The following CPQ variants were observed in gnomAD, a reference collection of about 807,000 sequenced individuals.
CPQ encodes the protein carboxypeptidase Q.
A neutral mutation model predicts 45.7 loss-of-function variants in CPQ; 37 were observed. The ratio of observed to expected loss-of-function variants is 0.81; its 90% CI spans 0.62 to 1.07. The LOEUF (loss-of-function observed/expected upper bound fraction) is 1.07, where lower values mean the gene tolerates loss of function less well. CPQ is among the 50% of genes least tolerant of loss of function. The pLI is 0.00. For synonymous variants in CPQ, 186 were observed against 205.8 expected, an observed-to-expected ratio of 0.90 and a Z score of 0.82; for missense variants, 537 against 572.9, an observed-to-expected ratio of 0.94 and a Z score of 0.64.
rs1200276629 is a variant in CPQ, at chr8:97,088,201, G to A, written c.1255+21991G>A. ...ATGAAAGCAGTGTCATACATTTCAT[G>A]AAAGTACAGTTAATTTTCACCAAAT... On this transcript the variant is annotated intron_variant, in intron 7 of 7. Transcript: ENST00000220763. Among the ~76,000 whole-genome samples the A allele has an allele frequency of 1.3e-5, 2 of 152,198 alleles. 1 individual carries two copies. The highest frequency in any genetic ancestry group is 4.8e-5 in the African/African-American group (2 of 41,452).
intron 1 of CPQ, among the ~76,000 whole-genome samples, chr8:96,697,247 A>C (rs1315897075): frequency 6.6e-6 from 1 of 152,220 alleles, no homozygotes; most frequent in East Asian, 1.9e-4. Flanking sequence ...GATACATCAT[A>C]TAAACAGATT....
At chr8:96,872,651 G>T (rs1812087222) in intron 3 of CPQ, among the ~76,000 whole-genome samples, 1 of 151,840 alleles carries the variant, frequency 6.6e-6, no homozygotes, top group Non-Finnish European at 1.5e-5. Context: ...TCGACTAATG[G>T]TGGTTGTATT....
chr8:96,957,991 C>T (rs1447219746), intron 4 of CPQ, among the ~76,000 whole-genome samples: 1 of 141,234 alleles, frequency 7.1e-6, no homozygotes, highest in African/African-American at 2.8e-5. Flanking sequence ...TATAGACGTG[C>T]ACCACTACAC....
intron 6 of CPQ, among the ~76,000 whole-genome samples, chr8:97,038,430 G>A (rs2130483528): frequency 6.6e-6 from 1 of 152,254 alleles, no homozygotes; most frequent in East Asian, 1.9e-4. Context: ...AGGACCCATA[G>A]GATATCTAGT....
intron 1 of CPQ, among the ~76,000 whole-genome samples, chr8:96,683,688 A>G (rs529544922): frequency 6.6e-6 from 1 of 151,262 alleles, no homozygotes; most frequent in African/African-American, 2.4e-5. Flanking sequence ...GGTGTCCCAT[A>G]TATTATCTAG....
rs184285234 is a variant in CPQ, at chr8:96,726,838, T to C, written c.-34-58026T>C. Among the ~76,000 whole-genome samples the C allele has an allele frequency of 1.4e-3, 219 of 152,286 alleles. 4 individuals carry two copies. The highest frequency in any genetic ancestry group is 0.011 in the Admixed American group (170 of 15,288). On this transcript the variant is annotated intron_variant, in intron 1 of 7. Coordinates refer to ENST00000220763, the MANE Select transcript of CPQ (RefSeq NM_016134.4). ...CACTTTTGACCTCCTTACCAAGTGA[T>C]GCCCTTTGCTGCCTTGGGACTATGC... is the stretch of plus-strand genomic sequence containing the variant.
intron 1 of CPQ, among the ~76,000 whole-genome samples, chr8:96,661,997 G>A (rs2130713021): frequency 6.6e-6 from 1 of 152,140 alleles, no homozygotes; most frequent in East Asian, 1.9e-4. Flanking sequence ...GGTCTGTAGT[G>A]GTATCTTGTT....
chr8:96,879,967 A>T lies in CPQ; in HGVS notation c.811A>T (p.Thr271Ser). The change falls in exon 4 of 8, where the codon ACT becomes TCT. Residue 271 changes from threonine to serine, a missense_variant. Physicochemically the swap from Thr to Ser is moderately conservative, Grantham distance 58. Transcript: ENST00000220763. ...KTYPDTDSFNTVAEITGSKYP... is the reference protein window; with the variant it reads ...KTYPDTDSFNSVAEITGSKYP... ...CTACCCAGATACTGATTCCTTCAAC[A>T]CTGTAGCAGAGATCACTGGGAGCAA... 1 of 1,614,052 alleles carries T rather than the reference A, an allele frequency of 6.2e-7. No individual in the cohort carries two copies.
chr8:97,021,799 A>G (rs1383816478), intron 5 of CPQ, among the ~76,000 whole-genome samples: 3 of 152,190 alleles, frequency 2.0e-5, no homozygotes, highest in Non-Finnish European at 2.9e-5. Flanking sequence ...AAAGCAATCT[A>G]TAAATTCAGT....
At chr8:97,066,233 T>C in intron 7 of CPQ, 23 bp downstream of exon 7, 1 of 1,598,280 alleles carries the variant, frequency 6.3e-7, no homozygotes, top group Non-Finnish European at 8.5e-7. Flanking sequence ...GATGAAGTTG[T>C]GTTCCTTATA....
intron 4 of CPQ, among the ~76,000 whole-genome samples, chr8:96,888,178 T>A (rs778301386): frequency 5.9e-5 from 9 of 152,182 alleles, no homozygotes; most frequent in Non-Finnish European, 1.3e-4. Flanking sequence ...GTCTCGAGCA[T>A]CAGAAATGTC....
chr8:96,803,909 G>A (rs1398608966), intron 2 of CPQ, among the ~76,000 whole-genome samples: 1 of 152,176 alleles, frequency 6.6e-6, no homozygotes, highest in Non-Finnish European at 1.5e-5. Flanking sequence ...GTAATTGGTT[G>A]TTGCATTGGC....
chr8:96,716,846 G>A (rs913180137), intron 1 of CPQ, among the ~76,000 whole-genome samples: 11 of 151,456 alleles, frequency 7.3e-5, no homozygotes, highest in African/African-American at 2.7e-4. Flanking sequence ...GGCAGAAGTT[G>A]CAGTGAGCTG....
intron 1 of CPQ, among the ~76,000 whole-genome samples, chr8:96,669,823 A>G (rs1808977883): frequency 6.6e-6 from 1 of 152,206 alleles, no homozygotes; most frequent in South Asian, 2.1e-4. Context: ...CTTGTTAATC[A>G]TGGTAGTTAT....
In CPQ at chr8:96,875,341, T is replaced by C. The variant is rs191183702; in HGVS notation, c.642-4457T>C. ...TTTAACATTTTGATGGTTCCATTTA[T>C]CTATTTTTTATTTTGTTGCTTGTGA... On this transcript the variant is annotated intron_variant, in intron 3 of 7. Coordinates refer to ENST00000220763, the MANE Select transcript of CPQ (RefSeq NM_016134.4). Among the ~76,000 whole-genome samples, 157 of 152,058 alleles carry C rather than the reference T, an allele frequency of 1.0e-3. 1 individual carries two copies. The highest frequency in any genetic ancestry group is 1.4e-3 in the Non-Finnish European group (94 of 67,822).
intron 4 of CPQ, among the ~76,000 whole-genome samples, chr8:96,883,732 G>A (rs139602756): frequency 6.0e-4 from 91 of 152,214 alleles, no homozygotes; most frequent in African/African-American, 2.1e-3. Context: ...AATAAATGTC[G>A]CTTCTTCCAT....
At chr8:96,897,483 A>G (rs897893181) in intron 4 of CPQ, among the ~76,000 whole-genome samples, 1 of 152,190 alleles carries the variant, frequency 6.6e-6, no homozygotes, top group Non-Finnish European at 1.5e-5. Context: ...CCAAAATTTG[A>G]AACTTTTTGA....
chr8:96,990,621 T>G (rs1338247626), intron 5 of CPQ, among the ~76,000 whole-genome samples: 1 of 152,200 alleles, frequency 6.6e-6, no homozygotes, highest in Non-Finnish European at 1.5e-5. Flanking sequence ...TTTCCATGTA[T>G]CCCTTCTCCC....
At position 97,115,772 on chromosome 8, in the gene CPQ, T is replaced by C. The variant is rs555746434; in HGVS notation, c.1256-27248T>C. 7.9e-5 allele frequency among the ~76,000 whole-genome samples: 12 copies of C among 152,338 alleles called. No homozygotes were observed. In the East Asian group the frequency reaches 2.3e-3, roughly 29 times the overall value. ...CAAGGTTACAAATTGGCTTTCTGTT[T>C]CCCATCTCAGCCAGCTCTAGTTAAT... On this transcript the variant is annotated intron_variant, in intron 7 of 7. Transcript: ENST00000220763.
Sources: allele counts gnomAD v4.1 joint callset (sites outside exome capture counted in the v4.1 genomes callset), GRCh38; gene constraint gnomAD v4.1.1; transcripts MANE v1.5; gene names NCBI Gene and HGNC (gene_info 2026-07-23, HGNC 2026-07-21).